Variants in VLDLR observed in about 807,000 individuals in gnomAD.
VLDLR encodes very low-density lipoprotein receptor.
In VLDLR, 81 loss-of-function variants were observed where a neutral mutation model predicts 112.7. The observed-to-expected ratio is 0.72, with a 90% confidence interval of 0.60 to 0.86. The LOEUF (loss-of-function observed/expected upper bound fraction) is 0.86, where lower values mean the gene tolerates loss of function less well. Ranked by LOEUF, VLDLR falls within the 40% of genes least tolerant of loss-of-function variation. The pLI, the probability that VLDLR is intolerant of heterozygous loss-of-function variation, is 0.00. For missense variants in VLDLR, 1,237 were observed against 1,099.4 expected, an observed-to-expected ratio of 1.13 and a Z score of -1.77; for synonymous variants, 436 against 384.8, an observed-to-expected ratio of 1.13 and a Z score of -1.56.
At chr9:2,651,805 T>C (rs764196576) in intron 16 of VLDLR, 69 bp from the exon 17 acceptor site, 62 of 1,581,312 alleles carry the variant, frequency 3.9e-5, no homozygotes, top group Non-Finnish European at 5.1e-5. Context: ...TTTGGCTCCT[T>C]ACCTGATGGG....
intron 1 of VLDLR, among the ~76,000 whole-genome samples, chr9:2,623,829 T>C (rs1816952885): frequency 6.6e-6 from 1 of 152,164 alleles, no homozygotes; most frequent in Non-Finnish European, 1.5e-5. Context: ...TGGAATCTGA[T>C]GTGTAACAAG....
In VLDLR at chr9:2,643,628, C is replaced by G. The variant is rs201851048; in HGVS notation, c.821C>G (p.Pro274Arg). The G allele has an allele frequency of 5.6e-5, 90 of 1,614,074 alleles. No homozygotes were observed. The highest frequency in any genetic ancestry group is 7.5e-5 in the Non-Finnish European group (89 of 1,180,044). ...TCCATGGTGTTTCCTCCCTTTGTAG[C>G]CTCTCGAACTTGCCGACCTGACCAA... ...CKDGSDEVNC[P>R]SRTCRPDQFE... Residue 274 changes from proline to arginine, a missense_variant and splice_region_variant, in exon 6 of 19, where the codon CCC (proline) becomes CGC (arginine). Pro to Arg is a moderately radical substitution (Grantham distance 103). Transcript: ENST00000382100.
chr9:2,637,724 G>A (rs1011554851), intron 2 of VLDLR, among the ~76,000 whole-genome samples: 11 of 152,134 alleles, frequency 7.2e-5, no homozygotes, highest in Admixed American at 3.3e-4. Context: ...GGCGAATCAC[G>A]AGGTCAGGAG....
intron 17 of VLDLR, among the ~76,000 whole-genome samples, chr9:2,652,394 A>T (rs1440193765): frequency 1.3e-5 from 2 of 152,200 alleles, no homozygotes; most frequent in Non-Finnish European, 2.9e-5. Context: ...AGGACCTCTA[A>T]ACGAGACACG....
At chr9:2,653,078 T>G in intron 18 of VLDLR, 129 bp downstream of exon 18, 1 of 1,205,166 alleles carries the variant, frequency 8.3e-7, no homozygotes, top group Non-Finnish European at 1.2e-6. Context: ...ACCTGGCTAT[T>G]AGACAGACAG....
At chr9:2,639,388 A>T (rs1817734932) in intron 2 of VLDLR, among the ~76,000 whole-genome samples, 1 of 152,106 alleles carries the variant, frequency 6.6e-6, no homozygotes, top group Non-Finnish European at 1.5e-5. Flanking sequence ...TCCTAATAAC[A>T]TCATGTTAGG....
At chr9:2,626,353 G>A (rs1817086513) in intron 1 of VLDLR, among the ~76,000 whole-genome samples, 1 of 152,204 alleles carries the variant, frequency 6.6e-6, no homozygotes, top group Non-Finnish European at 1.5e-5. Context: ...GTCACGTGAT[G>A]TCAGGTGTGG....
intron 4 of VLDLR, among the ~76,000 whole-genome samples, chr9:2,642,840 T>C (rs1817885680): frequency 6.6e-6 from 1 of 152,246 alleles, no homozygotes; most frequent in Non-Finnish European, 1.5e-5. Context: ...ATCTCTGCCT[T>C]CCAAATTGAA....
At chr9:2,644,325 A>ATTT (rs374242751) in intron 7 of VLDLR, among the ~76,000 whole-genome samples, 33,687 of 122,480 alleles carry the variant, frequency 0.28, 4,937 homozygotes, top group South Asian at 0.35. Flanking sequence ...CGCCCGGCTA[A>ATTT]TTTTTTTTTT....
rs868117526 is a variant in VLDLR at position 2,656,771 on chromosome 9, G to A, written c.*2903G>A. On this transcript the variant is annotated 3_prime_UTR_variant, in exon 19 of 19. Transcript: ENST00000382100. ...ATGAATAAACAGATTTGTGGCCTCT[G>A]GTAAAGAAATCCAGCCAAGTTCCTC... The A allele has an allele frequency of 5.9e-5, 9 of 151,936 alleles. No individual in the cohort carries two copies. The highest frequency in any genetic ancestry group is 4.2e-4 in the South Asian group (2 of 4,796). The allele number at this position is 151,936 out of a possible 1,614,324, so 9.4% of individuals were successfully genotyped here.
In VLDLR at chr9:2,657,294, G is replaced by A. The variant is rs1818644288; in HGVS notation, c.*3426G>A. The stretch of plus-strand genomic sequence containing the variant: ...AATCCAAATGAAAGCTATACTGTTT[G>A]CTTTCAATGGTGGCAAAAACTTGCA... On this transcript the variant is annotated 3_prime_UTR_variant, in exon 19 of 19. Coordinates refer to ENST00000382100, the MANE Select transcript of VLDLR (RefSeq NM_003383.5). 6.6e-6 allele frequency: 1 copy of A among 152,138 alleles called. No homozygotes were observed. The highest frequency in any genetic ancestry group is 2.4e-5 in the African/African-American group (1 of 41,426). The allele number at this position is 152,138 out of a possible 1,614,324, so 9.4% of individuals were successfully genotyped here.
rs1296606866 is a variant in VLDLR, at chr9:2,651,424, C to T, written c.2261C>T (p.Thr754Ile). The T allele has an allele frequency of 1.2e-5, 19 of 1,613,824 alleles. No homozygotes were observed. Among genetic ancestry groups the T allele is most frequent in the Non-Finnish European group, 1.5e-5 (18 of 1,179,818 alleles). The change falls in exon 16 of 19, where the codon ACT becomes ATT. Residue 754 changes from threonine (T) to isoleucine (I), a missense_variant. Coordinates refer to ENST00000382100, the MANE Select transcript of VLDLR (RefSeq NM_003383.5). Reference sequence around the variant, plus strand: ...GGTTTTTATAATTCAGGTACTGCAACTACTGTGACTTACAGTGAGACAAAA... The same window carrying T: ...GGTTTTTATAATTCAGGTACTGCAATTACTGTGACTTACAGTGAGACAAAA... ...ENGRDCQSTATTVTYSETKDT... is the reference protein window; with the variant it reads ...ENGRDCQSTAITVTYSETKDT...
chr9:2,637,291 C>A (rs1817634928), intron 2 of VLDLR, among the ~76,000 whole-genome samples: 1 of 152,134 alleles, frequency 6.6e-6, no homozygotes, highest in South Asian at 2.1e-4. Flanking sequence ...CAATATTTAG[C>A]TTAGTTCTTT....
chr9:2,643,008 C>T lies in VLDLR; in HGVS notation c.449-152C>T, dbSNP rs1405612121. The T allele has an allele frequency of 1.3e-5, 15 of 1,166,022 alleles. No homozygotes were observed. In the East Asian group the frequency reaches 1.9e-4, roughly 15 times the overall value. 72.2% of individuals were successfully genotyped at this position (1,166,022 alleles called of 1,614,324 possible). ...TCATTTTTTGTACAATGAGACTGTA[C>T]AAAAGTTCTTGATTTAACTCCATTG... On this transcript the variant is annotated intron_variant, in intron 4 of 18. Coordinates refer to ENST00000382100, the MANE Select transcript of VLDLR (RefSeq NM_003383.5).
Position 2,653,998 on chromosome 9 carries a change from A to C in VLDLR, c.*130A>C. 1 of 927,424 alleles carries C rather than the reference A, an allele frequency of 1.1e-6. No individual in the cohort carries two copies. Among genetic ancestry groups the C allele is most frequent in the Non-Finnish European group, 1.7e-6 (1 of 571,794 alleles). 57.4% of individuals were successfully genotyped at this position (927,424 alleles called of 1,614,324 possible). ...AGAACATCAAGATACCTTTGCGTGGATCAAGCTTGTGTACTTGACCGTTTT... is the reference window on the plus strand; with the variant it reads ...AGAACATCAAGATACCTTTGCGTGGCTCAAGCTTGTGTACTTGACCGTTTT... On this transcript the variant is annotated 3_prime_UTR_variant, in exon 19 of 19. Transcript: ENST00000382100.
intron 15 of VLDLR, 68 bp from the exon 16 acceptor site, chr9:2,651,347 G>C (rs1470531126): frequency 2.2e-6 from 3 of 1,394,368 alleles, no homozygotes; most frequent in Non-Finnish European, 3.0e-6. Flanking sequence ...TACATGGCTT[G>C]TCTGGACAAA....
intron 11 of VLDLR, among the ~76,000 whole-genome samples, 174 bp from the exon 12 acceptor site, chr9:2,647,300 T>C (rs1412598239): frequency 6.6e-6 from 1 of 152,244 alleles, no homozygotes; most frequent in Non-Finnish European, 1.5e-5. Flanking sequence ...AGCTTGTAGA[T>C]TCTTAATATT....
intron 2 of VLDLR, 131 bp downstream of exon 2, chr9:2,635,703 G>A: frequency 1.4e-6 from 2 of 1,388,864 alleles, no homozygotes; most frequent in Non-Finnish European, 2.0e-6. Context: ...ACTTCTCTGT[G>A]TAAAGGAATA....
chr9:2,626,277 C>T (rs1235037825), intron 1 of VLDLR, among the ~76,000 whole-genome samples: 1 of 152,174 alleles, frequency 6.6e-6, no homozygotes, highest in African/African-American at 2.4e-5. Context: ...TACACATAGC[C>T]TGAAGGTAAT....
Sources: gnomAD v4.1 joint callset for allele counts (sites outside exome capture counted in the v4.1 genomes callset) on GRCh38, gnomAD v4.1.1 for gene constraint, MANE v1.5 for transcripts, NCBI Gene and HGNC (gene_info 2026-07-23, HGNC 2026-07-21) for gene names.